The following DHRSX variants were observed in gnomAD, a reference collection of about 807,000 sequenced individuals.
The protein encoded by DHRSX is polyprenol dehydrogenase.
A neutral mutation model predicts 34.0 loss-of-function variants in DHRSX; 31 were observed. The observed-to-expected ratio is 0.91, with a 90% CI of 0.69 to 1.23. DHRSX has a LOEUF of 1.23. Among genes scored for constraint, DHRSX ranks in the 50% most tolerant of loss-of-function variants. DHRSX has a pLI of 0.00. For synonymous variants in DHRSX, 201 were observed against 183.8 expected, an observed-to-expected ratio of 1.09 and a Z score of -0.76; for missense variants, 414 against 428.1, an observed-to-expected ratio of 0.97 and a Z score of 0.29.
At chrX:2,286,563 T>G (rs1437954201) in intron 4 of DHRSX, among the ~76,000 whole-genome samples, 2 of 152,122 alleles carry the variant, frequency 1.3e-5, no homozygotes, top group Non-Finnish European at 2.9e-5. Flanking sequence ...ACCAAGAGGA[T>G]TTGTCAACAA....
At chrX:2,377,189 A>AT (rs1209195347) in intron 3 of DHRSX, among the ~76,000 whole-genome samples, 11 of 152,020 alleles carry the variant, frequency 7.2e-5, no homozygotes. Context: ...CTGTGAGTGC[A>AT]GGGGGAAGGA....
intron 1 of DHRSX, among the ~76,000 whole-genome samples, chrX:2,453,167 G>A (rs1360859575): frequency 6.6e-6 from 1 of 152,122 alleles, no homozygotes; most frequent in African/African-American, 2.4e-5. Context: ...TAAAAAAGCT[G>A]AACACATAAA....
At chrX:2,405,510 T>A (rs1213225893) in intron 3 of DHRSX, among the ~76,000 whole-genome samples, 2 of 148,702 alleles carry the variant, frequency 1.3e-5, no homozygotes, top group South Asian at 2.1e-4. Flanking sequence ...ATAATCGTCA[T>A]CATCATCAAA....
At chrX:2,229,711 A>G (rs2015822888) in intron 6 of DHRSX, among the ~76,000 whole-genome samples, 1 of 151,586 alleles carries the variant, frequency 6.6e-6, no homozygotes, top group South Asian at 2.1e-4. Context: ...GTTAATGGGT[A>G]CGTGTGTGTA....
intron 3 of DHRSX, among the ~76,000 whole-genome samples, chrX:2,346,091 A>G (rs1335194834): frequency 6.6e-6 from 1 of 152,170 alleles, no homozygotes; most frequent in Non-Finnish European, 1.5e-5. Flanking sequence ...TTCATCCAGG[A>G]AAGCTCTTTG....
At chrX:2,491,448 G>A (rs189923568) in intron 1 of DHRSX, among the ~76,000 whole-genome samples, 24 of 152,212 alleles carry the variant, frequency 1.6e-4, no homozygotes, top group Admixed American at 9.2e-4. Flanking sequence ...TGGGAAAGCT[G>A]CGTAGATCTT....
intron 1 of DHRSX, among the ~76,000 whole-genome samples, chrX:2,451,807 G>A (rs1294059004): frequency 3.3e-5 from 5 of 152,088 alleles, no homozygotes; most frequent in Non-Finnish European, 7.4e-5. Flanking sequence ...CACTGTGTAT[G>A]AACTGAAAAG....
At chrX:2,357,920 G>C (rs371365702) in intron 3 of DHRSX, among the ~76,000 whole-genome samples, 11 of 152,088 alleles carry the variant, frequency 7.2e-5, no homozygotes, top group Non-Finnish European at 5.9e-5. Flanking sequence ...GGCTACCATA[G>C]TCAAAACAGG....
intron 3 of DHRSX, among the ~76,000 whole-genome samples, chrX:2,396,375 CTTT>C (rs1204243041): frequency 7.1e-5 from 7 of 99,224 alleles, no homozygotes; most frequent in Non-Finnish European, 9.4e-5. Context: ...CTTTCTTTTT[CTTT>C]TTTTTTTTTT....
chrX:2,459,550 G>GTATATATATATATATATA (rs57748851), intron 1 of DHRSX, among the ~76,000 whole-genome samples: 21 of 137,802 alleles, frequency 1.5e-4, no homozygotes, highest in Non-Finnish European at 2.6e-4. Context: ...GTGTCTGTGT[G>GTATATATATATATATATA]TATATATATA....
At chrX:2,326,693 A>G (rs1287771109) in intron 3 of DHRSX, among the ~76,000 whole-genome samples, 2 of 152,132 alleles carry the variant, frequency 1.3e-5, no homozygotes, top group Non-Finnish European at 2.9e-5. Flanking sequence ...TCCTAGGGAG[A>G]CAGTAGCATT....
chrX:2,228,918 G>C lies in DHRSX; in HGVS notation c.805-7689C>G, dbSNP rs191082695. Among the ~76,000 whole-genome samples, 5 of 152,234 alleles carry C rather than the reference G, an allele frequency of 3.3e-5. No individual in the cohort carries two copies. The East Asian group carries it at 9.6e-4, about 29-fold the overall frequency. The stretch of plus-strand genomic sequence containing the variant: ...CCTTTGTCCTTGGGACGGATCCCCT[G>C]TGCTGTCTGCAAGGAAACTACCTAA... On this transcript the variant is annotated intron_variant, in intron 6 of 6. Coordinates refer to ENST00000334651, the MANE Select transcript of DHRSX (RefSeq NM_145177.3).
chrX:2,479,841 C>A (rs957374463), intron 1 of DHRSX, among the ~76,000 whole-genome samples: 6 of 151,936 alleles, frequency 3.9e-5, no homozygotes, highest in African/African-American at 1.5e-4. Context: ...AAGACATTCC[C>A]TAAGAATGTG....
intron 1 of DHRSX, among the ~76,000 whole-genome samples, chrX:2,467,729 C>G (rs1310629480): frequency 6.6e-6 from 1 of 152,146 alleles, no homozygotes; most frequent in African/African-American, 2.4e-5. Flanking sequence ...AATCCCAGCA[C>G]TTTGGGAGGC....
chrX:2,447,815 A>T (rs1221183143), intron 1 of DHRSX, among the ~76,000 whole-genome samples: 1 of 129,382 alleles, frequency 7.7e-6, no homozygotes, highest in Non-Finnish European at 1.6e-5. Flanking sequence ...TGTAGAATCT[A>T]AAAAAGCTGA....
At chrX:2,473,580 T>A (rs2044627491) in intron 1 of DHRSX, among the ~76,000 whole-genome samples, 1 of 144,118 alleles carries the variant, frequency 6.9e-6, no homozygotes, top group Non-Finnish European at 1.5e-5. Flanking sequence ...CCGAGATCCC[T>A]CCACTGCACT....
At chrX:2,464,244 C>G (rs1171876891) in intron 1 of DHRSX, among the ~76,000 whole-genome samples, 1 of 150,376 alleles carries the variant, frequency 6.6e-6, no homozygotes, top group East Asian at 2.0e-4. Context: ...GCACGTGGCC[C>G]AAGGGACCAT....
chrX:2,398,258 G>A (rs866565669), intron 3 of DHRSX, among the ~76,000 whole-genome samples: 39 of 152,154 alleles, frequency 2.6e-4, no homozygotes, highest in Non-Finnish European at 5.3e-4. Context: ...AACTGCAGGC[G>A]GTGATTTGGC....
intron 1 of DHRSX, among the ~76,000 whole-genome samples, chrX:2,452,524 G>C (rs1300011147): frequency 6.6e-6 from 1 of 151,542 alleles, no homozygotes; most frequent in South Asian, 2.1e-4. Flanking sequence ...CATGTACACA[G>C]TGAAGACGTT....
Sources: gnomAD v4.1 joint callset for allele counts (sites outside exome capture counted in the v4.1 genomes callset) on GRCh38, gnomAD v4.1.1 for gene constraint, MANE v1.5 for transcripts, NCBI Gene and HGNC (gene_info 2026-07-23, HGNC 2026-07-21) for gene names.